SSPN: variants seen among roughly 807,000 people sequenced by gnomAD.
The protein encoded by SSPN is sarcospan.
Under a neutral mutation model 19.1 loss-of-function variants are expected in SSPN, and 15 were observed. The ratio of observed to expected loss-of-function variants is 0.78; its 90% CI spans 0.52 to 1.21. The LOEUF (loss-of-function observed/expected upper bound fraction) is 1.21, where lower values mean the gene tolerates loss of function less well. Among genes scored for constraint, SSPN ranks in the 50% most tolerant of loss-of-function variants. The pLI, the probability that SSPN is intolerant of heterozygous loss-of-function variation, is 0.00. For synonymous variants in SSPN, 147 were observed against 140.3 expected (o/e 1.05, Z -0.34); for missense variants, 291 against 314.0 (o/e 0.93, Z 0.55).
At chr12:26,182,446 A>G (rs1474788171) in intron 1 of SSPN, among the ~76,000 whole-genome samples, 1 of 152,206 alleles carries the variant, frequency 6.6e-6, no homozygotes, top group Non-Finnish European at 1.5e-5. Context: ...GACATTTTCC[A>G]AAGAAAATGT....
intron 1 of SSPN, among the ~76,000 whole-genome samples, chr12:26,172,440 G>GTT (rs1944658932): frequency 6.6e-6 from 1 of 152,218 alleles, no homozygotes; most frequent in South Asian, 2.1e-4. Flanking sequence ...TCATTTCTCT[G>GTT]TTTCTCGATG....
At position 26,232,481 on chromosome 12, in the gene SSPN, T is replaced by C; in HGVS notation, c.*1405T>C. On this transcript the variant is annotated 3_prime_UTR_variant, in exon 3 of 3. Coordinates refer to ENST00000242729, the MANE Select transcript of SSPN (RefSeq NM_005086.5). ...TCAAGAACTTTATCAGTATGCTTTG[T>C]TGAAAGCAGAAATTAAGATAATAAT... The C allele has an allele frequency of 3.0e-6, 3 of 985,418 alleles. No individual in the cohort carries two copies. Among genetic ancestry groups the C allele is most frequent in the Non-Finnish European group, 3.6e-6 (3 of 829,910 alleles). 61.0% of individuals were successfully genotyped at this position (985,418 alleles called of 1,614,324 possible).
At chr12:26,158,873 A>G (rs1411983861) in intron 1 of SSPN, among the ~76,000 whole-genome samples, 1 of 152,250 alleles carries the variant, frequency 6.6e-6, no homozygotes, top group Non-Finnish European at 1.5e-5. Context: ...TGCTCTTGCC[A>G]GTAGAGCCCA....
At chr12:26,207,989 G>C (rs920752844) in intron 1 of SSPN, among the ~76,000 whole-genome samples, 1 of 140,626 alleles carries the variant, frequency 7.1e-6, no homozygotes, top group Admixed American at 7.1e-5. Flanking sequence ...AACAGAGCAA[G>C]ACCCTGTCTC....
At chr12:26,207,861 G>A (rs985946693) in intron 1 of SSPN, among the ~76,000 whole-genome samples, 6 of 152,074 alleles carry the variant, frequency 3.9e-5, no homozygotes, top group African/African-American at 1.4e-4. Context: ...TTAGCTGGGT[G>A]TGGTGGCAGA....
rs549523082 is a variant in SSPN, at chr12:26,233,556, C to T, written c.*2480C>T. Reference sequence around the variant, plus strand: ...TGTAAGAATTGTGTTGCATGAATAACCGCTTTGGGCTGGATTTGAAGTATT... The same window carrying T: ...TGTAAGAATTGTGTTGCATGAATAATCGCTTTGGGCTGGATTTGAAGTATT... On this transcript the variant is annotated 3_prime_UTR_variant, in exon 3 of 3. Transcript: ENST00000242729. The surrounding 1 kb of genome is among the most constrained non-coding windows in gnomAD (Gnocchi z 4.3). 6.6e-6 allele frequency: 1 copy of T among 152,270 alleles called. No individual in the cohort carries two copies. The highest frequency in any genetic ancestry group is 2.4e-5 in the African/African-American group (1 of 41,552). The allele number at this position is 152,270 out of a possible 1,614,324, so 9.4% of individuals were successfully genotyped here.
chr12:26,165,747 A>G (rs1245310662), intron 1 of SSPN, among the ~76,000 whole-genome samples: 3 of 152,216 alleles, frequency 2.0e-5, no homozygotes, highest in Non-Finnish European at 2.9e-5. Context: ...TTTGTTCATC[A>G]TTATCAACCT....
intron 1 of SSPN, among the ~76,000 whole-genome samples, chr12:26,210,185 CA>C (rs2137478045): frequency 6.6e-6 from 1 of 152,126 alleles, no homozygotes; most frequent in East Asian, 1.9e-4. Flanking sequence ...CCTCCACACC[CA>C]CACACTACAC....
rs750980309 is a variant in SSPN at position 26,233,966 on chromosome 12, C to T, written c.*2890C>T. 6.6e-6 allele frequency: 1 copy of T among 152,190 alleles called. No individual in the cohort carries two copies. Among genetic ancestry groups the T allele is most frequent in the Non-Finnish European group, 1.5e-5 (1 of 68,028 alleles). 9.4% of individuals were successfully genotyped at this position (152,190 alleles called of 1,614,324 possible). Reference sequence around the variant, plus strand: ...TGTAGGCTGCTCCTTGGAGCTATGCCTAAAATATAGCTACACCAGAGCCCT... The same window carrying T: ...TGTAGGCTGCTCCTTGGAGCTATGCTTAAAATATAGCTACACCAGAGCCCT... On this transcript the variant is annotated 3_prime_UTR_variant, in exon 3 of 3. Coordinates refer to ENST00000242729, the MANE Select transcript of SSPN (RefSeq NM_005086.5). This position sits in a 1 kb window ranked among gnomAD's most constrained non-coding sequence, Gnocchi z 4.3.
intron 1 of SSPN, among the ~76,000 whole-genome samples, chr12:26,146,602 C>T (rs1326594921): frequency 6.6e-6 from 1 of 152,108 alleles, no homozygotes; most frequent in Non-Finnish European, 1.5e-5. Context: ...ACAGGCAGAT[C>T]ACTTGAGGCC....
At chr12:26,192,416 A>G (rs1944794850), upstream of SSPN, among the ~76,000 whole-genome samples, 1 of 152,256 alleles carries the variant, frequency 6.6e-6, no homozygotes, top group Non-Finnish European at 1.5e-5. Context: ...ATGATGAGCT[A>G]GACGTGATGA....
At chr12:26,210,657 C>G (rs1406568865) in intron 1 of SSPN, among the ~76,000 whole-genome samples, 4 of 152,110 alleles carry the variant, frequency 2.6e-5, no homozygotes, top group African/African-American at 9.7e-5. Flanking sequence ...AGAAAAACCT[C>G]AAACTGCCCC....
At chr12:26,202,879 C>T (rs1944898725) in intron 1 of SSPN, among the ~76,000 whole-genome samples, 1 of 152,172 alleles carries the variant, frequency 6.6e-6, no homozygotes, top group Non-Finnish European at 1.5e-5. Flanking sequence ...TATAAAGATA[C>T]TACGTGAGAC....
chr12:26,124,485 C>A (rs370994677), intron 1 of SSPN: 721 of 1,598,836 alleles, frequency 4.5e-4, no homozygotes, highest in Non-Finnish European at 5.8e-4. Flanking sequence ...ACTACCCATG[C>A]AGGTTATGAG....
intron 1 of SSPN, among the ~76,000 whole-genome samples, chr12:26,142,725 G>A (rs1240325624): frequency 3.3e-5 from 5 of 152,178 alleles, no homozygotes. Flanking sequence ...GAAGAGAAGT[G>A]GGTTGAGGAT....
chr12:26,122,428 C>A, intron 1 of SSPN: 1 of 1,350,436 alleles, frequency 7.4e-7, no homozygotes, highest in Non-Finnish European at 9.6e-7. Flanking sequence ...AAGGGCTGCA[C>A]GTAGGCGGCA....
chr12:26,153,700 G>A (rs145089524), intron 1 of SSPN, among the ~76,000 whole-genome samples: 1 of 152,332 alleles, frequency 6.6e-6, no homozygotes, highest in East Asian at 1.9e-4. Flanking sequence ...GTAGGTGGTG[G>A]AACTTCTGGA....
At chr12:26,165,351 T>C (rs1944614078) in intron 1 of SSPN, among the ~76,000 whole-genome samples, 1 of 152,204 alleles carries the variant, frequency 6.6e-6, no homozygotes. Flanking sequence ...AATCTAAGCC[T>C]TCCAGATTTT....
chr12:26,201,032 TATATATATATATATTA>T lies in SSPN; in HGVS notation c.279+5082_279+5097del, dbSNP rs1260349177. ...TTGTGTATATATATATATATATATA[TATATATATATATATTA>T]TATATATATATTTGGAAATAAAATG... On this transcript the variant is annotated intron_variant, in intron 1 of 2. Coordinates refer to ENST00000242729, the MANE Select transcript of SSPN (RefSeq NM_005086.5). Among the ~76,000 whole-genome samples the T allele has an allele frequency of 2.3e-3, 88 of 38,206 alleles. 3 individuals carry two copies. The highest frequency in any genetic ancestry group is 9.8e-3 in the East Asian group (3 of 306). The allele number at this position is 38,206 out of a possible 152,430, so 25.1% of individuals were successfully genotyped here. A position where few individuals can be genotyped will look rare whatever the true frequency, so the allele number is the denominator to read the frequency against.
Sources: gnomAD v4.1 joint callset for allele counts (sites outside exome capture counted in the v4.1 genomes callset) on GRCh38, gnomAD v4.1.1 for gene constraint, Gnocchi (gnomAD v3.1) non-coding constraint, MANE v1.5 for transcripts, NCBI Gene and HGNC (gene_info 2026-07-23, HGNC 2026-07-21) for gene names.